The following DYNC2I1 variants were observed in gnomAD, a reference collection of about 807,000 sequenced individuals.
DYNC2I1 encodes the protein cytoplasmic dynein 2 intermediate chain 1.
In DYNC2I1, 89 loss-of-function variants were observed where a neutral mutation model predicts 133.4. That is an observed-to-expected ratio of 0.67 (90% confidence interval 0.56 to 0.80). The LOEUF is 0.80. Among genes scored for constraint, DYNC2I1 ranks in the 30% least tolerant of loss-of-function variants. The pLI is 0.00. For missense variants in DYNC2I1, 1,291 were observed against 1,314.5 expected (o/e 0.98, Z 0.28); for synonymous variants, 504 against 484.3 (o/e 1.04, Z -0.54).
chr7:158,904,895 A>T (rs781120844), intron 10 of DYNC2I1: 1 of 270,224 alleles, frequency 3.7e-6, no homozygotes, highest in African/African-American at 2.3e-5. Context: ...CAGATGAGAT[A>T]ATGTGTGGGA....
chr7:158,876,595 T>C lies in DYNC2I1; in HGVS notation c.491-14T>C. ...ACATTTGGGAGTATTAAAAATATGT[T>C]TTACTTCTTGTAGTAAGTAAAGTAA... On this transcript the variant is annotated splice_polypyrimidine_tract_variant and intron_variant, in intron 3 of 24. Transcript: ENST00000407559. 1 of 1,553,464 alleles carries C rather than the reference T, an allele frequency of 6.4e-7. No individual in the cohort carries two copies. The highest frequency in any genetic ancestry group is 8.6e-7 in the Non-Finnish European group (1 of 1,157,640).
chr7:158,894,004 C>T (rs75034492), intron 8 of DYNC2I1, among the ~76,000 whole-genome samples: 20,753 of 151,960 alleles, frequency 0.14, 1,828 homozygotes, highest in East Asian at 0.49. Context: ...CATATCATAC[C>T]GTATATCATA....
downstream of DYNC2I1, among the ~76,000 whole-genome samples, chr7:158,957,388 A>G (rs913920301): frequency 1.3e-5 from 2 of 152,226 alleles, no homozygotes; most frequent in Non-Finnish European, 2.9e-5. Context: ...TGTTGTGGAT[A>G]GACTACTTCT....
chr7:158,880,908 G>T (rs944223970), intron 5 of DYNC2I1, among the ~76,000 whole-genome samples: 2 of 152,132 alleles, frequency 1.3e-5, no homozygotes, highest in Non-Finnish European at 2.9e-5. Flanking sequence ...CAAAATCTTT[G>T]CAAGAGTCAG....
chr7:158,943,359 C>A (rs1464604303), intron 24 of DYNC2I1, among the ~76,000 whole-genome samples: 1 of 152,158 alleles, frequency 6.6e-6, no homozygotes, highest in Non-Finnish European at 1.5e-5. Context: ...GGCTCCACAC[C>A]CTGAGATCTC....
At chr7:158,891,915 G>A (rs1176297123) in intron 8 of DYNC2I1, among the ~76,000 whole-genome samples, 1 of 110,492 alleles carries the variant, frequency 9.1e-6, no homozygotes, top group Non-Finnish European at 2.2e-5. Flanking sequence ...TGCAGAGCAC[G>A]GCCTCGTGTG....
chr7:158,952,574 T>A (rs897331494), intron 4 of DYNC2I1, among the ~76,000 whole-genome samples: 1 of 142,898 alleles, frequency 7.0e-6, no homozygotes, highest in African/African-American at 2.6e-5. Context: ...CTTAAAAAAA[T>A]ATCCTAAGGG....
intron 2 of DYNC2I1, among the ~76,000 whole-genome samples, chr7:158,870,912 G>A (rs747740827): frequency 2.2e-4 from 33 of 152,150 alleles, no homozygotes; most frequent in Admixed American, 4.6e-4. Flanking sequence ...ATATTGGGGC[G>A]CTGGTGGGCA....
intron 11 of DYNC2I1, among the ~76,000 whole-genome samples, chr7:158,906,818 C>A (rs1846867497): frequency 6.6e-6 from 1 of 152,142 alleles, no homozygotes; most frequent in African/African-American, 2.4e-5. Context: ...CAGTATATGG[C>A]CTTCCTTAGT....
At chr7:158,861,846 G>A (rs922940107) in intron 1 of DYNC2I1, among the ~76,000 whole-genome samples, 1 of 152,130 alleles carries the variant, frequency 6.6e-6, no homozygotes, top group Non-Finnish European at 1.5e-5. Flanking sequence ...CTTCGTTACC[G>A]TTTTCTTCAG....
chr7:158,948,066 C>T (rs1209120350), downstream of DYNC2I1, among the ~76,000 whole-genome samples: 2 of 152,222 alleles, frequency 1.3e-5, no homozygotes, highest in East Asian at 3.8e-4. Context: ...TGGGCCCCTC[C>T]CAGGTGCAGC....
intron 23 of DYNC2I1, 86 bp downstream of exon 23, chr7:158,934,635 C>G (rs1850568541): frequency 7.2e-7 from 1 of 1,388,952 alleles, no homozygotes; most frequent in Admixed American, 2.1e-5. Flanking sequence ...AGCTGGAGTG[C>G]AGTGATGTGG....
chr7:158,851,925 T>C (rs544352346), upstream of DYNC2I1, among the ~76,000 whole-genome samples: 84 of 152,312 alleles, frequency 5.5e-4, no homozygotes, highest in African/African-American at 1.8e-3. Context: ...GATTATCAAA[T>C]TATTAATGTT....
Position 158,867,863 on chromosome 7 carries a change from C to T in DYNC2I1, c.16-1992C>T, listed in dbSNP as rs542510762. On this transcript the variant is annotated intron_variant, in intron 1 of 24. Coordinates refer to ENST00000407559, the MANE Select transcript of DYNC2I1 (RefSeq NM_018051.5). Reference sequence around the variant, plus strand: ...CTGGAAGGGACCCTGAGCAGGAAGGCGCACAGCTGGGCCTCCACCCCGTCC... The same window carrying T: ...CTGGAAGGGACCCTGAGCAGGAAGGTGCACAGCTGGGCCTCCACCCCGTCC... 2.6e-5 allele frequency among the ~76,000 whole-genome samples: 4 copies of T among 152,248 alleles called. No homozygotes were observed. The South Asian group carries it at 6.2e-4, about 24-fold the overall frequency.
At chr7:158,915,596 GGAT>G (rs1848072805) in intron 14 of DYNC2I1, among the ~76,000 whole-genome samples, 1 of 151,176 alleles carries the variant, frequency 6.6e-6, no homozygotes, top group African/African-American at 2.4e-5. Flanking sequence ...TTGAGATTAA[GGAT>G]GATTGTGAAA....
At position 158,871,151 on chromosome 7, in the gene DYNC2I1, T is replaced by A; in HGVS notation, c.79T>A (p.Ser27Thr). 6 of 1,612,590 alleles carry A rather than the reference T, an allele frequency of 3.7e-6. No homozygotes were observed. Among genetic ancestry groups the A allele is most frequent in the Non-Finnish European group, 5.1e-6 (6 of 1,179,234 alleles). The change falls in exon 3 of 25, where the codon TCA (serine) becomes ACA (threonine). Residue 27 changes from serine (S) to threonine (T), a missense_variant. Coordinates refer to ENST00000407559, the MANE Select transcript of DYNC2I1 (RefSeq NM_018051.5). The part of the protein sequence containing the change: ...DLRKHLWAIQ[S>T]GGSKEERKHR... ...TGTTCTCTTGTTTCAGGCCATACAG[T>A]CAGGTGGTTCCAAGGAAGAAAGAAA... is the stretch of plus-strand genomic sequence containing the variant.
intron 1 of DYNC2I1, among the ~76,000 whole-genome samples, chr7:158,864,125 G>A (rs539378960): frequency 4.7e-5 from 7 of 150,478 alleles, no homozygotes; most frequent in Non-Finnish European, 4.4e-5. Flanking sequence ...GGGTGTGGGG[G>A]GGGGAGCAGA....
intron 21 of DYNC2I1, among the ~76,000 whole-genome samples, chr7:158,931,392 T>C (rs1850200179): frequency 6.6e-6 from 1 of 152,214 alleles, no homozygotes; most frequent in Admixed American, 6.5e-5. Flanking sequence ...TTAAATCAAC[T>C]ACAGTTGTAA....
In DYNC2I1 at chr7:158,900,116, CT is replaced by C. The variant is rs869092810; in HGVS notation, c.1060-1607del. Among the ~76,000 whole-genome samples, 1,390 of 136,974 alleles carry C rather than the reference CT, an allele frequency of 0.01. 38 individuals carry two copies. In the East Asian group the frequency reaches 0.13, roughly 13 times the overall value. 89.9% of individuals were successfully genotyped at this position (136,974 alleles called of 152,430 possible). A position where few individuals can be genotyped will look rare whatever the true frequency, so the allele number is the denominator to read the frequency against. Reference sequence around the variant, plus strand: ...GGTATCTGAGAAACTGAATGTAATTCTTTTTTTTTTTTTTTTCTTTTTGAGA... The same window carrying C: ...GGTATCTGAGAAACTGAATGTAATTCTTTTTTTTTTTTTTTCTTTTTGAGA... On this transcript the variant is annotated intron_variant, in intron 8 of 24. Coordinates refer to ENST00000407559, the MANE Select transcript of DYNC2I1 (RefSeq NM_018051.5).
Sources: gnomAD v4.1 joint callset for allele counts (sites outside exome capture counted in the v4.1 genomes callset) on GRCh38, gnomAD v4.1.1 for gene constraint, MANE v1.5 for transcripts, NCBI Gene and HGNC (gene_info 2026-07-23, HGNC 2026-07-21) for gene names.